Variants in MALRD1 observed in about 807,000 individuals in gnomAD.
MALRD1 encodes the protein MAM and LDL-receptor class A domain-containing protein 1.
MALRD1 carries 247 observed loss-of-function variants against 242.1 expected under a neutral mutation model. The observed-to-expected ratio is 1.02, with a 90% CI of 0.92 to 1.13. MALRD1 has a LOEUF of 1.13. MALRD1 is among the 50% of genes most tolerant of loss of function. MALRD1 has a pLI of 0.00. For synonymous variants in MALRD1, 995 were observed against 866.6 expected (o/e 1.15, Z -2.60); for missense variants, 2,989 against 2,533.1 (o/e 1.18, Z -3.86).
chr10:19,435,465 A>G (rs1834316996), intron 28 of MALRD1, among the ~76,000 whole-genome samples: 1 of 152,224 alleles, frequency 6.6e-6, no homozygotes, highest in African/African-American at 2.4e-5. Context: ...TGGTTGTGAC[A>G]GTTTCCCAGT....
rs562144315 is a variant in MALRD1, at chr10:19,645,881, T to TA, written c.6137+29967dup. Among the ~76,000 whole-genome samples, 6 of 151,714 alleles carry TA rather than the reference T, an allele frequency of 4.0e-5. No individual in the cohort carries two copies. In the South Asian group the frequency reaches 6.2e-4, roughly 16 times the overall value. ...TACCCTAAAACTTAAAGTATAATAA[T>TA]AAAAAAAAAGAAATGGATAGGAGTC... On this transcript the variant is annotated intron_variant, in intron 36 of 39. Coordinates refer to ENST00000454679, the MANE Select transcript of MALRD1 (RefSeq NM_001142308.3).
At chr10:19,708,915 G>A (rs1425569523) in intron 38 of MALRD1, among the ~76,000 whole-genome samples, 6 of 122,118 alleles carry the variant, frequency 4.9e-5, no homozygotes, top group African/African-American at 1.6e-4. Context: ...TGCCCGCCTC[G>A]GCCTCCCAAA....
chr10:19,342,126 G>T (rs1162556213), intron 24 of MALRD1, among the ~76,000 whole-genome samples: 4 of 152,036 alleles, frequency 2.6e-5, no homozygotes, highest in Non-Finnish European at 5.9e-5. Context: ...TTATAGTAAG[G>T]TCGACGTTCC....
At chr10:19,064,170 G>A (rs1045740688) in intron 1 of MALRD1, among the ~76,000 whole-genome samples, 7 of 152,082 alleles carry the variant, frequency 4.6e-5, no homozygotes, top group African/African-American at 7.2e-5. Flanking sequence ...AAAGTGATAC[G>A]TTGCACAAGT....
chr10:19,692,802 TA>T lies in MALRD1; in HGVS notation c.6314+249del, dbSNP rs1196603018. Among the ~76,000 whole-genome samples the T allele has an allele frequency of 2.1e-5, 3 of 145,946 alleles. No individual in the cohort carries two copies. In the East Asian group the frequency reaches 5.9e-4, roughly 29 times the overall value. On this transcript the variant is annotated intron_variant, in intron 38 of 39. Transcript: ENST00000454679. The stretch of plus-strand genomic sequence containing the variant: ...TTAGGAGCCTTTTTGAGGGCGTATA[TA>T]TATATATATGAAATTTATATATATA...
chr10:19,174,577 A>G (rs957567182), intron 13 of MALRD1, among the ~76,000 whole-genome samples: 2 of 152,072 alleles, frequency 1.3e-5, no homozygotes, highest in South Asian at 4.2e-4. Context: ...TCTTCTTGGA[A>G]TAACAACATA....
chr10:19,566,439 A>C (rs1163352990), intron 32 of MALRD1, among the ~76,000 whole-genome samples: 1 of 151,236 alleles, frequency 6.6e-6, no homozygotes, highest in African/African-American at 2.4e-5. Flanking sequence ...ACGCCAGGCC[A>C]TATTTTATAG....
chr10:19,391,491 G>T (rs954881307), intron 28 of MALRD1, among the ~76,000 whole-genome samples: 1 of 152,126 alleles, frequency 6.6e-6, no homozygotes, highest in Non-Finnish European at 1.5e-5. Flanking sequence ...CCCAATAAAG[G>T]CAAGGATTCT....
intron 19 of MALRD1, among the ~76,000 whole-genome samples, chr10:19,270,807 A>ACACACACACAC (rs1840192830): frequency 1.6e-4 from 23 of 145,054 alleles, no homozygotes; most frequent in African/African-American, 5.1e-4. Context: ...TTCAAAGGAT[A>ACACACACACAC]ACACACACAC....
At chr10:19,726,340 A>T (rs1835024497) in intron 38 of MALRD1, among the ~76,000 whole-genome samples, 1 of 152,192 alleles carries the variant, frequency 6.6e-6, no homozygotes, top group Admixed American at 6.5e-5. Context: ...ACATAAAAAG[A>T]TGTTCAACAT....
intron 5 of MALRD1, among the ~76,000 whole-genome samples, chr10:19,121,776 G>T (rs1464274353): frequency 1.3e-5 from 2 of 152,202 alleles, no homozygotes; most frequent in East Asian, 3.9e-4. Context: ...ATTGATGATG[G>T]GACTTGTAAA....
intron 24 of MALRD1, among the ~76,000 whole-genome samples, chr10:19,341,331 A>C (rs2130956873): frequency 6.6e-6 from 1 of 151,644 alleles, no homozygotes; most frequent in Admixed American, 6.6e-5. Flanking sequence ...TCTTGGGATA[A>C]TGAAGTGAAC....
chr10:19,678,318 ATTTG>A (rs1842221391), intron 36 of MALRD1, among the ~76,000 whole-genome samples: 1 of 152,098 alleles, frequency 6.6e-6, no homozygotes. Context: ...ATGTCTTACC[ATTTG>A]TTTGTGTCCT....
intron 26 of MALRD1, among the ~76,000 whole-genome samples, chr10:19,377,462 A>T (rs1035919497): frequency 1.3e-5 from 2 of 152,114 alleles, no homozygotes; most frequent in Non-Finnish European, 2.9e-5. Flanking sequence ...TCTGCTCCCT[A>T]TTCAATTGTG....
intron 2 of MALRD1, among the ~76,000 whole-genome samples, chr10:19,072,123 G>A (rs528895132): frequency 2.6e-5 from 4 of 152,148 alleles, no homozygotes; most frequent in Non-Finnish European, 5.9e-5. Flanking sequence ...AGCTCACAAC[G>A]TGACAAGGAT....
At chr10:19,358,090 T>G (rs1275067320) in intron 26 of MALRD1, among the ~76,000 whole-genome samples, 1 of 151,964 alleles carries the variant, frequency 6.6e-6, no homozygotes, top group African/African-American at 2.4e-5. Flanking sequence ...GACAACCAAC[T>G]TTCCTCTTCT....
At chr10:19,357,096 T>G (rs1051880686) in intron 26 of MALRD1, among the ~76,000 whole-genome samples, 2 of 140,682 alleles carry the variant, frequency 1.4e-5, no homozygotes, top group African/African-American at 5.5e-5. Context: ...GGCGACAGAG[T>G]GAGACTCTGT....
chr10:19,094,877 G>A (rs888027684), intron 4 of MALRD1, among the ~76,000 whole-genome samples: 1 of 152,100 alleles, frequency 6.6e-6, no homozygotes, highest in Admixed American at 6.5e-5. Context: ...ATGCATGGTC[G>A]AAATGATAAT....
chr10:19,499,498 G>A (rs890437427), intron 31 of MALRD1, among the ~76,000 whole-genome samples: 1 of 151,350 alleles, frequency 6.6e-6, no homozygotes. Flanking sequence ...CCAAGGGAAT[G>A]TCTTCAGATT....
Sources: gnomAD v4.1 joint callset for allele counts (sites outside exome capture counted in the v4.1 genomes callset) on GRCh38, gnomAD v4.1.1 for gene constraint, MANE v1.5 for transcripts, NCBI Gene and HGNC (gene_info 2026-07-23, HGNC 2026-07-21) for gene names.